Variants in CDC42BPA observed in about 807,000 individuals in gnomAD.
CDC42BPA encodes CDC42 binding protein kinase alpha.
In CDC42BPA, 80 loss-of-function variants were observed where a neutral mutation model predicts 223.5. The ratio of observed to expected loss-of-function variants is 0.36; its 90% CI spans 0.30 to 0.43. CDC42BPA has a LOEUF of 0.43. Among genes scored for constraint, CDC42BPA ranks in the 20% least tolerant of loss-of-function variants. The pLI, the probability that CDC42BPA is intolerant of heterozygous loss-of-function variation, is 1.00. For missense variants in CDC42BPA, 1,743 were observed against 2,099.9 expected (o/e 0.83, Z 3.32); for synonymous variants, 694 against 718.6 (o/e 0.97, Z 0.55).
At chr1:227,092,049 GA>G in intron 15 of CDC42BPA, 58 bp from the exon 16 acceptor site, 1 of 956,368 alleles carries the variant, frequency 1.0e-6, no homozygotes, top group Non-Finnish European at 1.6e-6. Flanking sequence ...TTGAAAACTT[GA>G]AATTATTTTT....
intron 32 of CDC42BPA, among the ~76,000 whole-genome samples, chr1:227,019,711 T>C (rs1667014963): frequency 6.6e-6 from 1 of 152,164 alleles, no homozygotes; most frequent in African/African-American, 2.4e-5. Flanking sequence ...TACATCTCCA[T>C]CAGAGATTTT....
intron 5 of CDC42BPA, among the ~76,000 whole-genome samples, chr1:227,168,260 T>C (rs539179742): frequency 5.9e-5 from 9 of 152,150 alleles, no homozygotes; most frequent in African/African-American, 1.9e-4. Flanking sequence ...CTTAAAAATA[T>C]CATATCACAT....
chr1:227,140,457 T>G (rs947907822), intron 9 of CDC42BPA, among the ~76,000 whole-genome samples: 7 of 151,762 alleles, frequency 4.6e-5, no homozygotes, highest in Non-Finnish European at 7.4e-5. Context: ...GGGGACCAGT[T>G]AAGGGAATAT....
intron 1 of CDC42BPA, among the ~76,000 whole-genome samples, chr1:227,295,974 C>A (rs182323205): frequency 6.6e-6 from 1 of 152,132 alleles, no homozygotes; most frequent in Non-Finnish European, 1.5e-5. Context: ...TAAAGAAGAG[C>A]CCTAACAAAA....
intron 11 of CDC42BPA, among the ~76,000 whole-genome samples, chr1:227,123,407 G>A (rs906704765): frequency 3.3e-5 from 5 of 152,136 alleles, no homozygotes; most frequent in Non-Finnish European, 5.9e-5. Context: ...TTAGTAATGA[G>A]GACTTAATGA....
At chr1:227,088,630 T>C (rs1682445715) in intron 16 of CDC42BPA, among the ~76,000 whole-genome samples, 1 of 152,228 alleles carries the variant, frequency 6.6e-6, no homozygotes. Flanking sequence ...TTTCTTACTG[T>C]AAACAATTAA....
intron 2 of CDC42BPA, among the ~76,000 whole-genome samples, chr1:227,229,804 T>C (rs1011895048): frequency 6.6e-5 from 10 of 152,360 alleles, no homozygotes; most frequent in African/African-American, 2.4e-4. Flanking sequence ...CTATCATTTC[T>C]GTTAGAAGTG....
intron 21 of CDC42BPA, among the ~76,000 whole-genome samples, chr1:227,054,253 G>T (rs1248390034): frequency 6.6e-6 from 1 of 152,106 alleles, no homozygotes; most frequent in Non-Finnish European, 1.5e-5. Flanking sequence ...ATCTGGGTTT[G>T]ATTATTTCAA....
At chr1:227,045,313 A>C (rs1672213561) in intron 23 of CDC42BPA, among the ~76,000 whole-genome samples, 1 of 152,028 alleles carries the variant, frequency 6.6e-6, no homozygotes, top group Non-Finnish European at 1.5e-5. Flanking sequence ...TATTCTTTTC[A>C]TTTTGCCTTG....
chr1:227,145,836 A>G (rs1479754847), intron 7 of CDC42BPA, 99 bp from the exon 8 acceptor site: 4 of 889,112 alleles, frequency 4.5e-6, no homozygotes, highest in Non-Finnish European at 6.6e-6. Context: ...TTTATTTTAA[A>G]TATATCTAAT....
chr1:227,299,132 G>A (rs1691211718), intron 1 of CDC42BPA, among the ~76,000 whole-genome samples: 1 of 152,186 alleles, frequency 6.6e-6, no homozygotes, highest in African/African-American at 2.4e-5. Flanking sequence ...AATACAGTTT[G>A]AGCCATGTGC....
At chr1:227,081,068 G>A in intron 16 of CDC42BPA, 51 bp from the exon 17 acceptor site, 1 of 1,596,142 alleles carries the variant, frequency 6.3e-7, no homozygotes. Context: ...AGAATTCGAG[G>A]TGTTCAGACA....
intron 5 of CDC42BPA, among the ~76,000 whole-genome samples, chr1:227,163,068 AAATG>A (rs1407380015): frequency 0.26 from 20,817 of 79,192 alleles, 2,185 homozygotes; most frequent in Non-Finnish European, 0.28. Flanking sequence ...TTCCAAACAT[AAATG>A]TGTGTATGTT....
intron 8 of CDC42BPA, among the ~76,000 whole-genome samples, chr1:227,143,562 T>C (rs976666050): frequency 2.1e-4 from 32 of 152,178 alleles, no homozygotes; most frequent in African/African-American, 7.5e-4. Context: ...CTCCCAAGCA[T>C]AGTGCTGAAG....
In CDC42BPA at chr1:227,290,631, AT is replaced by A. The variant is rs200930046; in HGVS notation, c.178+26373del. Among the ~76,000 whole-genome samples the A allele has an allele frequency of 6.0e-3, 916 of 152,316 alleles. 6 individuals are homozygous for A. Among genetic ancestry groups the A allele is most frequent in the Middle Eastern group, 0.024 (7 of 294 alleles). ...GTTTCCAAATGAGCACTATAAACAA[AT>A]TTTATAGGCATTCAGAGGAGGGATA... On this transcript the variant is annotated intron_variant, in intron 1 of 36. Coordinates refer to ENST00000366766, the MANE Select transcript of CDC42BPA (RefSeq NM_001394014.1).
chr1:227,100,777 T>TGTGTGTGTGTGTGTGTGC (rs777124731), intron 15 of CDC42BPA, among the ~76,000 whole-genome samples: 18 of 128,604 alleles, frequency 1.4e-4, no homozygotes, highest in Non-Finnish European at 1.6e-4. Flanking sequence ...TGTGTGTGTG[T>TGTGTGTGTGTGTGTGTGC]GCGTGTGCCA....
chr1:227,196,044 T>C (rs1029647156), intron 4 of CDC42BPA, among the ~76,000 whole-genome samples: 1 of 152,020 alleles, frequency 6.6e-6, no homozygotes, highest in Admixed American at 6.6e-5. Context: ...AATCATTGAT[T>C]TGAGGAATCA....
chr1:227,220,311 T>TATATAC (rs1210485137), intron 2 of CDC42BPA, among the ~76,000 whole-genome samples: 110 of 49,494 alleles, frequency 2.2e-3, no homozygotes, highest in Middle Eastern at 0.011. Flanking sequence ...TATATATATA[T>TATATAC]ACACACACAC....
intron 1 of CDC42BPA, among the ~76,000 whole-genome samples, chr1:227,297,743 A>T (rs578097295): frequency 1.3e-5 from 2 of 152,160 alleles, no homozygotes; most frequent in Admixed American, 1.3e-4. Flanking sequence ...AGAAATTCAG[A>T]GAGACAGAAA....
Sources: allele counts gnomAD v4.1 joint callset (sites outside exome capture counted in the v4.1 genomes callset), GRCh38; gene constraint gnomAD v4.1.1; transcripts MANE v1.5; gene names NCBI Gene and HGNC (gene_info 2026-07-23, HGNC 2026-07-21).